Variants in HUWE1 observed in about 807,000 individuals in gnomAD.
The protein encoded by HUWE1 is E3 ubiquitin-protein ligase HUWE1.
HUWE1 carries 18 observed loss-of-function variants against 299.4 expected under a neutral mutation model. The observed-to-expected ratio is 0.06, with a 90% confidence interval of 0.04 to 0.09. The LOEUF is 0.09. Among genes scored for constraint, HUWE1 ranks in the 10% least tolerant of loss-of-function variants. The pLI is 1.00. For missense variants in HUWE1, 1,832 were observed against 3,462.3 expected (o/e 0.53, Z 11.82); for synonymous variants, 1,317 against 1,286.1 (o/e 1.02, Z -0.51).
At position 53,625,185 on chromosome X, in the gene HUWE1, G is replaced by A. The variant is rs2066405208; in HGVS notation, c.1563C>T (p.Asp521=). The A allele has an allele frequency of 1.7e-6, 2 of 1,199,262 alleles. No homozygotes were observed. The highest frequency in any genetic ancestry group is 3.0e-5 in the East Asian group (1 of 33,790). The change falls in exon 18 of 84, where the codon GAC becomes GAT. Residue 521 remains aspartate, a synonymous_variant. Transcript: ENST00000262854. ...MLNFLKKAIQ[D]PAFSDGIRHV... ...GTCGTATGCCATCTGAGAAAGCAGG[G>A]TCTTGGATGGCCTTCTTGAGGAAAT...
Position 53,534,259 on chromosome X carries a change from G to C in HUWE1, c.12832-62C>G, listed in dbSNP as rs782155307. On this transcript the variant is annotated intron_variant, in intron 82 of 83. Coordinates refer to ENST00000262854, the MANE Select transcript of HUWE1 (RefSeq NM_031407.7). The stretch of plus-strand genomic sequence containing the variant: ...AAAGCTCCTAGAAGCAGGGTGGGGG[G>C]GATGGAATCTAGGAAACAGGACTGG... 1.1e-5 allele frequency: 11 copies of C among 999,951 alleles called. No homozygotes were observed. The African/African-American group carries it at 1.5e-4, about 14-fold the overall frequency. The allele number at this position is 999,951 out of a possible 1,213,427, so 82.4% of individuals were successfully genotyped here.
chrX:53,573,550 C>T (rs1433556508), intron 47 of HUWE1, among the ~76,000 whole-genome samples, 200 bp downstream of exon 47: 2 of 112,380 alleles, frequency 1.8e-5, no homozygotes, highest in South Asian at 3.7e-4. Context: ...TCAGGTGATC[C>T]GCCTGCTTCA....
At chrX:53,589,393 ACT>A (rs1451793863) in intron 36 of HUWE1, among the ~76,000 whole-genome samples, 152 bp downstream of exon 36, 1 of 111,966 alleles carries the variant, frequency 8.9e-6, no homozygotes, top group East Asian at 2.8e-4. Context: ...TAGTTAACAC[ACT>A]GTTTCAGGAT....
At chrX:53,595,960 A>C (rs925199798) in intron 29 of HUWE1, among the ~76,000 whole-genome samples, 7 of 112,368 alleles carry the variant, frequency 6.2e-5, no homozygotes, top group Non-Finnish European at 1.1e-4. Context: ...TTCAACAAGG[A>C]AAAGGCAGCA....
intron 4 of HUWE1, among the ~76,000 whole-genome samples, chrX:53,650,160 C>T (rs1206079141): frequency 8.9e-6 from 1 of 112,055 alleles, no homozygotes; most frequent in Non-Finnish European, 1.9e-5. Context: ...TAGTGGTTCC[C>T]CACTAAATGT....
chrX:53,630,184 A>C (rs1443892414), intron 12 of HUWE1, among the ~76,000 whole-genome samples: 1 of 112,220 alleles, frequency 8.9e-6, no homozygotes, highest in African/African-American at 3.2e-5. Flanking sequence ...TTTCCTGAGC[A>C]CCCACTAACA....
At chrX:53,534,371 C>T (rs2060908785) in intron 82 of HUWE1, 145 bp downstream of exon 82, 1 of 664,840 alleles carries the variant, frequency 1.5e-6, no homozygotes, top group Non-Finnish European at 2.3e-6. Flanking sequence ...TGCTATGCTT[C>T]AGGAGAACAA....
At chrX:53,645,638 G>C (rs1808517503) in intron 6 of HUWE1, among the ~76,000 whole-genome samples, 175 bp from the exon 7 acceptor site, 1 of 102,998 alleles carries the variant, frequency 9.7e-6, no homozygotes, top group South Asian at 4.5e-4. Context: ...GTGTGAACCC[G>C]GGAGGCGGAG....
chrX:53,552,302 G>A lies in HUWE1; in HGVS notation c.8881+9C>T, dbSNP rs1395977822. Reference sequence around the variant, plus strand: ...ATCCCAGGATGACCTGGGCATACACGGAACTCACCCGCAAGGGGATCTTCT... The same window carrying A: ...ATCCCAGGATGACCTGGGCATACACAGAACTCACCCGCAAGGGGATCTTCT... On this transcript the variant is annotated intron_variant, in intron 63 of 83. Coordinates refer to ENST00000262854, the MANE Select transcript of HUWE1 (RefSeq NM_031407.7). 5 of 1,210,945 alleles carry A rather than the reference G, an allele frequency of 4.1e-6. No individual in the cohort carries two copies. Among genetic ancestry groups the A allele is most frequent in the South Asian group, 1.8e-5 (1 of 56,957 alleles).
chrX:53,578,329 C>T (rs1483472480), intron 43 of HUWE1, among the ~76,000 whole-genome samples: 2 of 107,824 alleles, frequency 1.9e-5, no homozygotes, highest in Non-Finnish European at 3.9e-5. Flanking sequence ...CTCCGCCCGG[C>T]AGCCACCCCG....
chrX:53,577,457 TAA>T (rs782304486), intron 43 of HUWE1, among the ~76,000 whole-genome samples: 3 of 76,850 alleles, frequency 3.9e-5, no homozygotes, highest in Non-Finnish European at 5.0e-5. Flanking sequence ...AACGTTTTAT[TAA>T]AAAAAAAAAA....
chrX:53,604,380 C>T (rs1257244329), intron 26 of HUWE1, among the ~76,000 whole-genome samples: 2 of 111,611 alleles, frequency 1.8e-5, no homozygotes, highest in Non-Finnish European at 3.8e-5. Flanking sequence ...TAACATGTTT[C>T]GCTCTCAAGA....
rs189204154 is a variant in HUWE1, at chrX:53,665,690, A to G, written c.-24-11559T>C. 4.4e-5 allele frequency among the ~76,000 whole-genome samples: 5 copies of G among 112,685 alleles called. No homozygotes were observed. The East Asian group carries it at 1.4e-3, about 31-fold the overall frequency. On this transcript the variant is annotated intron_variant, in intron 3 of 83. Transcript: ENST00000262854. Reference sequence around the variant, plus strand: ...TATCAATTTTACCAATACAGAGGAAATGACAGCATGCTAAGGAGCCCTTCT... The same window carrying G: ...TATCAATTTTACCAATACAGAGGAAGTGACAGCATGCTAAGGAGCCCTTCT...
intron 80 of HUWE1, 148 bp downstream of exon 80, chrX:53,535,999 T>C: frequency 2.2e-6 from 1 of 459,918 alleles, no homozygotes; most frequent in Non-Finnish European, 3.9e-6. Flanking sequence ...GTTTGTGATG[T>C]CACTCACAAA....
intron 56 of HUWE1, 71 bp downstream of exon 56, chrX:53,560,117 A>T: frequency 1.1e-6 from 1 of 877,969 alleles, no homozygotes; most frequent in Non-Finnish European, 1.6e-6. Flanking sequence ...CCCCAAGGTT[A>T]AGACAATGCT....
chrX:53,646,283 G>A (rs1229344235), intron 6 of HUWE1, among the ~76,000 whole-genome samples: 8 of 109,802 alleles, frequency 7.3e-5, no homozygotes, highest in African/African-American at 2.3e-4. Flanking sequence ...GAAGTCTCCC[G>A]AGTAGCTAGG....
chrX:53,674,126 G>A (rs782755866), intron 3 of HUWE1, among the ~76,000 whole-genome samples: 64 of 111,158 alleles, frequency 5.8e-4, no homozygotes, highest in African/African-American at 2.0e-3. Context: ...ATTTAAATTT[G>A]CATTTCTGAT....
rs1557036985 is a variant in HUWE1, at chrX:53,647,580, GA to G, written c.145-7del. 3.4e-6 allele frequency: 4 copies of G among 1,171,095 alleles called. No individual in the cohort carries two copies. In the Admixed American group the frequency reaches 8.7e-5, roughly 25 times the overall value. On this transcript the variant is annotated splice_region_variant and splice_polypyrimidine_tract_variant and intron_variant, in intron 5 of 83. Coordinates refer to ENST00000262854, the MANE Select transcript of HUWE1 (RefSeq NM_031407.7). ...ACCCAGTGATATAACTCGCACTGGA[GA>G]GGGGAGGAAAAAGAGGATGTAAGAA... is the stretch of plus-strand genomic sequence containing the variant.
chrX:53,558,838 T>A, intron 58 of HUWE1, 29 bp from the exon 59 acceptor site: 1 of 1,209,518 alleles, frequency 8.3e-7, no homozygotes, highest in East Asian at 3.0e-5. Flanking sequence ...AATCAAAGGC[T>A]GCTCTGGTGG....
Sources: allele counts gnomAD v4.1 joint callset (sites outside exome capture counted in the v4.1 genomes callset), GRCh38; gene constraint gnomAD v4.1.1; transcripts MANE v1.5; gene names NCBI Gene and HGNC (gene_info 2026-07-23, HGNC 2026-07-21).